Variants in SMC6 observed in about 807,000 individuals in gnomAD.
SMC6 encodes the protein structural maintenance of chromosomes 6, also known as structural maintenance of chromosomes protein 6.
SMC6 carries 79 observed loss-of-function variants against 142.2 expected under a neutral mutation model. That is an observed-to-expected ratio of 0.56 (90% CI 0.46 to 0.67). SMC6 has a LOEUF of 0.67. Ranked by LOEUF, SMC6 falls within the 30% of genes least tolerant of loss-of-function variation. The pLI, the probability that SMC6 is intolerant of heterozygous loss-of-function variation, is 0.00. For missense variants in SMC6, 1,072 were observed against 1,284.0 expected (o/e 0.83, Z 2.52); for synonymous variants, 411 against 412.4 (o/e 1.00, Z 0.04).
chr2:17,691,313 GGT>G lies in SMC6; in HGVS notation c.2678+3837_2678+3838del, dbSNP rs770630585. On this transcript the variant is annotated intron_variant, in intron 23 of 27. Transcript: ENST00000448223. ...CTATAAAAAAGCTGAATAGTATTCT[GGT>G]GTGTGTGTGTGTGTGTGTCTCTGTG... 9.1e-3 allele frequency among the ~76,000 whole-genome samples: 924 copies of G among 101,496 alleles called. 3 individuals are homozygous for G. Among genetic ancestry groups the G allele is most frequent in the African/African-American group, 0.013 (287 of 21,682 alleles). The allele number at this position is 101,496 out of a possible 152,430, so 66.6% of individuals were successfully genotyped here. A position where few individuals can be genotyped will look rare whatever the true frequency, so the allele number is the denominator to read the frequency against.
chr2:17,717,390 G>A (rs1055174387), intron 12 of SMC6, among the ~76,000 whole-genome samples: 4 of 152,206 alleles, frequency 2.6e-5, no homozygotes, highest in Non-Finnish European at 5.9e-5. Context: ...AAAAATAGAA[G>A]GCCAGGTGCT....
At chr2:17,723,762 A>G (rs1001605338) in intron 9 of SMC6, among the ~76,000 whole-genome samples, 1 of 152,248 alleles carries the variant, frequency 6.6e-6, no homozygotes, top group African/African-American at 2.4e-5. Flanking sequence ...ATCTGTCACT[A>G]TATGACCATG....
At chr2:17,745,292 TG>T (rs113901291) in intron 3 of SMC6, among the ~76,000 whole-genome samples, 13,234 of 151,866 alleles carry the variant, frequency 0.087, 1,058 homozygotes, top group African/African-American at 0.21. Context: ...TTTAAATGTT[TG>T]GTATAATTCT....
chr2:17,686,442 G>A (rs554440093), intron 23 of SMC6, among the ~76,000 whole-genome samples: 21 of 152,098 alleles, frequency 1.4e-4, no homozygotes, highest in African/African-American at 4.8e-4. Flanking sequence ...AGATTGTGCC[G>A]CAGCTCTCCA....
At chr2:17,705,237 G>A (rs746693624) in intron 18 of SMC6, among the ~76,000 whole-genome samples, 85 of 152,092 alleles carry the variant, frequency 5.6e-4, no homozygotes, top group Middle Eastern at 3.4e-3. Context: ...CAGCCTGATC[G>A]ACAGAGTGAG....
Position 17,718,163 on chromosome 2 carries a change from T to A in SMC6, c.1006A>T (p.Ser336Cys). Residue 336 changes from serine to cysteine, a missense_variant, in exon 12 of 28, where the codon AGT becomes TGT. Physicochemically the swap from Ser to Cys is moderately radical, Grantham distance 112. Around this residue, in one of 3 missense-constraint regions of SMC6, gnomAD observed 994 missense variants for 1,153.2 expected, o/e 0.86. Coordinates refer to ENST00000448223, the MANE Select transcript of SMC6 (RefSeq NM_001142286.2). ...KDIQDKLEKI[S>C]EETNARAPEC... ...GGTGCTCGTGCATTTGTCTCTTCACTAATCTTTTCTAGTTTGTCTTGAATA... is the reference window on the plus strand; with the variant it reads ...GGTGCTCGTGCATTTGTCTCTTCACAAATCTTTTCTAGTTTGTCTTGAATA... The A allele has an allele frequency of 6.2e-7, 1 of 1,611,260 alleles. No individual in the cohort carries two copies. The highest frequency in any genetic ancestry group is 1.1e-5 in the South Asian group (1 of 90,666).
At chr2:17,745,491 C>T (rs1670701059) in intron 3 of SMC6, among the ~76,000 whole-genome samples, 1 of 152,172 alleles carries the variant, frequency 6.6e-6, no homozygotes, top group African/African-American at 2.4e-5. Context: ...GAGTTGCTAA[C>T]TGTATTTCCT....
rs563053525 is a variant in SMC6, at chr2:17,721,884, C to T, written c.727-623G>A. On this transcript the variant is annotated intron_variant, in intron 9 of 27. Transcript: ENST00000448223. ...CTAATTTTTGTATTTTTGGTAGAGA[C>T]GGGGTTTCATCATGTTAGCCAGGAA... 6.6e-5 allele frequency among the ~76,000 whole-genome samples: 10 copies of T among 151,878 alleles called. No individual in the cohort carries two copies. In the South Asian group the frequency reaches 1.0e-3, roughly 16 times the overall value.
chr2:17,690,414 G>A (rs950133270), intron 23 of SMC6, among the ~76,000 whole-genome samples: 5 of 152,060 alleles, frequency 3.3e-5, no homozygotes, highest in Non-Finnish European at 7.4e-5. Context: ...TCAACATGGC[G>A]AAACTCCAGC....
At chr2:17,675,021 T>C (rs1055838900) in intron 25 of SMC6, among the ~76,000 whole-genome samples, 4 of 152,114 alleles carry the variant, frequency 2.6e-5, no homozygotes, top group African/African-American at 9.6e-5. Flanking sequence ...ATTGCTGATA[T>C]ATCTAGATCT....
chr2:17,700,702 T>C lies in SMC6; in HGVS notation c.2224-324A>G, dbSNP rs897370149. Among the ~76,000 whole-genome samples the C allele has an allele frequency of 3.9e-5, 6 of 152,262 alleles. 2 individuals are homozygous for C. The South Asian group carries it at 8.3e-4, about 21-fold the overall frequency. On this transcript the variant is annotated intron_variant, in intron 20 of 27. Coordinates refer to ENST00000448223, the MANE Select transcript of SMC6 (RefSeq NM_001142286.2). ...GCCAGAGAATATGTTAGATGCTAAG[T>C]AAACAAACATAAATAAGATATTATC...
Position 17,745,939 on chromosome 2 carries a change from T to C in SMC6, c.8A>G (p.Lys3Arg). The C allele has an allele frequency of 6.2e-7, 1 of 1,606,666 alleles. No individual in the cohort carries two copies. Among genetic ancestry groups the C allele is most frequent in the Non-Finnish European group, 8.5e-7 (1 of 1,176,230 alleles). Reference protein sequence around the residue: MAKRKEENFSSPK... With the variant: MARRKEENFSSPK... ...AGAGGAAAAATTTTCTTCCTTTCTT[T>C]TGGCCATCAGGTCTGAACAAATATT... Residue 3 changes from lysine to arginine, a missense_variant, in exon 3 of 28, where the codon AAA (lysine) becomes AGA (arginine). Transcript: ENST00000448223.
intron 21 of SMC6, among the ~76,000 whole-genome samples, chr2:17,699,319 T>C (rs1668158342): frequency 6.6e-6 from 1 of 152,126 alleles, no homozygotes; most frequent in Admixed American, 6.6e-5. Context: ...ATGAGAAATA[T>C]GCTGTCACAC....
chr2:17,703,682 A>G (rs762140220), intron 18 of SMC6, among the ~76,000 whole-genome samples: 14 of 152,106 alleles, frequency 9.2e-5, no homozygotes, highest in Non-Finnish European at 1.3e-4. Context: ...ATGATGATCT[A>G]CTTTTATTTA....
At chr2:17,671,726 TA>T (rs1666774327) in intron 25 of SMC6, among the ~76,000 whole-genome samples, 1 of 151,710 alleles carries the variant, frequency 6.6e-6, no homozygotes, top group Admixed American at 6.6e-5. Flanking sequence ...ATAAAATCTT[TA>T]AAAAATTATT....
intron 23 of SMC6, among the ~76,000 whole-genome samples, chr2:17,685,800 A>C (rs1282977187): frequency 6.6e-6 from 1 of 152,112 alleles, no homozygotes; most frequent in Non-Finnish European, 1.5e-5. Flanking sequence ...ACTAAATAAA[A>C]ATAATCTTTT....
At chr2:17,703,347 A>G (rs1668360361) in intron 18 of SMC6, 55 bp from the exon 19 acceptor site, 2 of 1,508,628 alleles carry the variant, frequency 1.3e-6, no homozygotes, top group East Asian at 4.6e-5. Flanking sequence ...TCAATATTAC[A>G]AATACTTTAG....
chr2:17,704,949 A>G (rs1020272300), intron 18 of SMC6, among the ~76,000 whole-genome samples: 1 of 115,096 alleles, frequency 8.7e-6, no homozygotes, highest in Admixed American at 7.6e-5. Flanking sequence ...AACAAATAGT[A>G]ATTTTGCTAA....
intron 19 of SMC6, 27 bp downstream of exon 19, chr2:17,703,130 G>C (rs758925135): frequency 9.7e-5 from 123 of 1,262,528 alleles, no homozygotes; most frequent in Non-Finnish European, 1.3e-4. Context: ...AAAAACAAAA[G>C]AAGGTTTATT....
Sources: allele counts gnomAD v4.1 joint callset (sites outside exome capture counted in the v4.1 genomes callset), GRCh38; gene constraint gnomAD v4.1.1; regional missense constraint gnomAD v4.1.1; transcripts MANE v1.5; gene names NCBI Gene and HGNC (gene_info 2026-07-23, HGNC 2026-07-21).